Variants in GALNTL6 observed in about 807,000 individuals in gnomAD.
GALNTL6 encodes the protein polypeptide N-acetylgalactosaminyltransferase like 6.
A neutral mutation model predicts 73.7 loss-of-function variants in GALNTL6; 46 were observed. The ratio of observed to expected loss-of-function variants is 0.62; its 90% CI spans 0.49 to 0.80. The LOEUF (loss-of-function observed/expected upper bound fraction) is 0.80, where lower values mean the gene tolerates loss of function less well. GALNTL6 is among the 30% of genes least tolerant of loss of function. The pLI is 0.00. For missense variants in GALNTL6, 604 were observed against 755.0 expected (o/e 0.80, Z 2.34); for synonymous variants, 259 against 263.7 (o/e 0.98, Z 0.17).
At chr4:172,413,788 C>A (rs537987652) in intron 5 of GALNTL6, among the ~76,000 whole-genome samples, 1 of 151,952 alleles carries the variant, frequency 6.6e-6, no homozygotes, top group Admixed American at 6.6e-5. Flanking sequence ...CATTAAATTG[C>A]CATAGGTTTG....
chr4:172,885,605 T>C (rs1393241963), intron 8 of GALNTL6, among the ~76,000 whole-genome samples: 3 of 152,210 alleles, frequency 2.0e-5, no homozygotes, highest in Non-Finnish European at 4.4e-5. Flanking sequence ...TGAATAAAAG[T>C]GATGAAAGTG....
chr4:171,955,871 C>T (rs1739029806), intron 2 of GALNTL6, among the ~76,000 whole-genome samples: 1 of 152,078 alleles, frequency 6.6e-6, no homozygotes, highest in Non-Finnish European at 1.5e-5. Flanking sequence ...CCCAAAAAGA[C>T]ATTGAAGCTT....
chr4:172,555,365 A>C (rs760290605), intron 5 of GALNTL6, among the ~76,000 whole-genome samples: 4 of 152,130 alleles, frequency 2.6e-5, no homozygotes, highest in Non-Finnish European at 5.9e-5. Context: ...ATGTGCCATG[A>C]ATTACTCTAA....
intron 7 of GALNTL6, among the ~76,000 whole-genome samples, chr4:172,842,752 AT>A (rs551333924): frequency 0.02 from 2,906 of 144,124 alleles, 60 homozygotes; most frequent in African/African-American, 0.058. Context: ...CTCATATGTC[AT>A]TTTTTTTTTT....
chr4:171,824,603 T>C (rs1251789529), intron 2 of GALNTL6, among the ~76,000 whole-genome samples: 1 of 152,156 alleles, frequency 6.6e-6, no homozygotes, highest in African/African-American at 2.4e-5. Context: ...AGAAAAAGCA[T>C]GTTCCTATTA....
intron 7 of GALNTL6, among the ~76,000 whole-genome samples, chr4:172,833,080 C>T (rs945349544): frequency 4.8e-5 from 7 of 146,640 alleles, no homozygotes; most frequent in Admixed American, 3.4e-4. Flanking sequence ...TATGTGTGTG[C>T]GCTTGGGGGT....
intron 5 of GALNTL6, among the ~76,000 whole-genome samples, chr4:172,672,739 G>A (rs555707662): frequency 1.6e-4 from 24 of 152,170 alleles, no homozygotes; most frequent in African/African-American, 4.6e-4. Flanking sequence ...GTTTCTTCCT[G>A]GTTCAGCCTT....
At chr4:172,821,958 C>T (rs1254776232) in intron 7 of GALNTL6, among the ~76,000 whole-genome samples, 1 of 152,106 alleles carries the variant, frequency 6.6e-6, no homozygotes, top group African/African-American at 2.4e-5. Context: ...GCCCTGAGCC[C>T]CCAGTCTCCA....
At chr4:172,562,961 G>C (rs1211200506) in intron 5 of GALNTL6, among the ~76,000 whole-genome samples, 1 of 152,162 alleles carries the variant, frequency 6.6e-6, no homozygotes, top group Non-Finnish European at 1.5e-5. Flanking sequence ...TTCTTCCACT[G>C]TCCATTTTGT....
intron 10 of GALNTL6, among the ~76,000 whole-genome samples, chr4:172,966,643 C>T (rs62341881): frequency 0.097 from 14,793 of 152,266 alleles, 925 homozygotes; most frequent in Non-Finnish European, 0.15. Context: ...CCACCCGCCT[C>T]GGCCTCCCAA....
chr4:172,852,843 G>GT (rs1743910022), intron 7 of GALNTL6, among the ~76,000 whole-genome samples: 2 of 152,158 alleles, frequency 1.3e-5, no homozygotes, highest in African/African-American at 4.8e-5. Context: ...TATAAGTCCA[G>GT]TTGCACCTAT....
chr4:172,241,130 G>T (rs1434598653), intron 3 of GALNTL6, among the ~76,000 whole-genome samples: 1 of 152,188 alleles, frequency 6.6e-6, no homozygotes, highest in Non-Finnish European at 1.5e-5. Context: ...TGCTATTGAA[G>T]TTTGGTCTGT....
intron 2 of GALNTL6, among the ~76,000 whole-genome samples, chr4:172,002,779 T>C (rs1040017691): frequency 1.3e-5 from 2 of 152,114 alleles, no homozygotes; most frequent in African/African-American, 4.8e-5. Flanking sequence ...GGGAAGAACA[T>C]ACTTTGATTC....
chr4:172,062,038 C>A (rs1425401709), intron 2 of GALNTL6, among the ~76,000 whole-genome samples: 4 of 151,326 alleles, frequency 2.6e-5, no homozygotes, highest in African/African-American at 9.7e-5. Context: ...AACTTCTGCC[C>A]CCCCAGGTTC....
intron 2 of GALNTL6, among the ~76,000 whole-genome samples, chr4:172,001,879 CA>C (rs1373981985): frequency 1.3e-5 from 2 of 152,130 alleles, no homozygotes; most frequent in African/African-American, 2.4e-5. Context: ...CATTTTCCTT[CA>C]GACCCATTAT....
intron 5 of GALNTL6, among the ~76,000 whole-genome samples, chr4:172,623,347 A>T (rs973931998): frequency 6.6e-6 from 1 of 152,228 alleles, no homozygotes; most frequent in East Asian, 1.9e-4. Flanking sequence ...GATGTCGATT[A>T]TGTGATCATA....
intron 5 of GALNTL6, among the ~76,000 whole-genome samples, chr4:172,460,390 A>T (rs904995966): frequency 2.0e-5 from 3 of 152,208 alleles, no homozygotes; most frequent in Non-Finnish European, 4.4e-5. Context: ...TAAACTAAAG[A>T]GCTTCTGCAC....
chr4:172,907,160 C>T (rs552982704), intron 8 of GALNTL6, among the ~76,000 whole-genome samples: 1 of 151,474 alleles, frequency 6.6e-6, no homozygotes, highest in South Asian at 2.1e-4. Context: ...CACCAAACCC[C>T]ATTAGTTTTT....
chr4:172,967,044 C>A (rs1215230186), intron 10 of GALNTL6, among the ~76,000 whole-genome samples: 2 of 152,244 alleles, frequency 1.3e-5, no homozygotes, highest in Non-Finnish European at 2.9e-5. Flanking sequence ...TGGCTAAATT[C>A]TTTCTCCGTG....
Sources: allele counts gnomAD v4.1 joint callset (sites outside exome capture counted in the v4.1 genomes callset), GRCh38; gene constraint gnomAD v4.1.1; transcripts MANE v1.5; gene names NCBI Gene and HGNC (gene_info 2026-07-23, HGNC 2026-07-21).